The following TMPRSS7 variants were observed in gnomAD, a reference collection of about 807,000 sequenced individuals.
TMPRSS7 encodes the protein transmembrane protease serine 7.
A neutral mutation model predicts 95.6 loss-of-function variants in TMPRSS7; 81 were observed. That is an observed-to-expected ratio of 0.85 (90% confidence interval 0.71 to 1.02). The LOEUF (loss-of-function observed/expected upper bound fraction) is 1.02, where lower values mean the gene tolerates loss of function less well. Ranked by LOEUF, TMPRSS7 falls within the 50% of genes least tolerant of loss-of-function variation. The pLI, the probability that TMPRSS7 is intolerant of heterozygous loss-of-function variation, is 0.00. For synonymous variants in TMPRSS7, 364 were observed against 337.8 expected (o/e 1.08, Z -0.85); for missense variants, 945 against 955.2 (o/e 0.99, Z 0.14).
At chr3:112,077,098 T>C (rs767643490) in exon 16 of TMPRSS7, 8 of 1,614,056 alleles carry the variant, frequency 5.0e-6, no homozygotes, top group East Asian at 2.2e-5. Flanking sequence ...GAGTTCGCAG[T>C]GGGGAGAAGT....
chr3:112,058,730 A>G (rs774773), intron 10 of TMPRSS7, among the ~76,000 whole-genome samples: 137,051 of 152,150 alleles, frequency 0.9, 62,352 homozygotes, highest in East Asian at 1. Flanking sequence ...GAAAATGAGG[A>G]ACTATTTTAT....
At position 112,074,291 on chromosome 3, in the gene TMPRSS7, G is replaced by C. The variant is rs903084125; in HGVS notation, c.1667-5G>C. The C allele has an allele frequency of 6.2e-7, 1 of 1,603,744 alleles. No individual in the cohort carries two copies. The highest frequency in any genetic ancestry group is 1.3e-5 in the African/African-American group (1 of 74,744). ...AAAGCTGTTTCTTCTTTTGTCCATT[G>C]TTAGGTATTCCATGCAACAACAGAA... On this transcript the variant is annotated splice_region_variant and splice_polypyrimidine_tract_variant and intron_variant, in intron 13 of 17. Transcript: ENST00000452346.
intron 13 of TMPRSS7, among the ~76,000 whole-genome samples, chr3:112,071,041 C>T (rs893435142): frequency 6.6e-6 from 1 of 152,190 alleles, no homozygotes; most frequent in Non-Finnish European, 1.5e-5. Flanking sequence ...TTCATAGCAT[C>T]GATGACCTTT....
intron 14 of TMPRSS7, among the ~76,000 whole-genome samples, chr3:112,074,644 A>G (rs1432041218): frequency 6.6e-6 from 1 of 152,224 alleles, no homozygotes; most frequent in Non-Finnish European, 1.5e-5. Flanking sequence ...TAAAATGAGA[A>G]CTTTCACTTT....
At chr3:112,056,489 G>A (rs1253598723) in intron 9 of TMPRSS7, among the ~76,000 whole-genome samples, 1 of 151,954 alleles carries the variant, frequency 6.6e-6, no homozygotes, top group Non-Finnish European at 1.5e-5. Flanking sequence ...GACTGGTGTG[G>A]TGCATGCACA....
intron 13 of TMPRSS7, among the ~76,000 whole-genome samples, chr3:112,070,089 A>T (rs991797828): frequency 6.6e-6 from 1 of 152,166 alleles, no homozygotes; most frequent in African/African-American, 2.4e-5. Flanking sequence ...TTATTTACCC[A>T]CTAGTCATTC....
At position 112,050,229 on chromosome 3, in the gene TMPRSS7, T is replaced by C. The variant is rs560060907; in HGVS notation, c.1090+255T>C. 8.2e-4 allele frequency among the ~76,000 whole-genome samples: 125 copies of C among 152,264 alleles called. 1 individual carries two copies. Among genetic ancestry groups the C allele is most frequent in the Non-Finnish European group, 1.5e-3 (100 of 68,010 alleles). ...GACAAGAAGAGAAATGTATCATGGATGTAACATGTGCAGAAAGTAACTATC... is the reference window on the plus strand; with the variant it reads ...GACAAGAAGAGAAATGTATCATGGACGTAACATGTGCAGAAAGTAACTATC... On this transcript the variant is annotated intron_variant, in intron 8 of 17. Transcript: ENST00000452346.
At chr3:112,069,504 C>A (rs1042438861) in intron 13 of TMPRSS7, among the ~76,000 whole-genome samples, 2 of 152,224 alleles carry the variant, frequency 1.3e-5, no homozygotes, top group East Asian at 3.9e-4. Flanking sequence ...AATTTCAGAG[C>A]CTGTTATTGG....
At chr3:112,050,528 A>AAAAAAAAC (rs1553763202) in intron 8 of TMPRSS7, 143 bp from the exon 9 acceptor site, 13 of 355,724 alleles carry the variant, frequency 3.7e-5, no homozygotes, top group Non-Finnish European at 6.3e-5. Context: ...TTCTGAAAAA[A>AAAAAAAAC]AAAAAAAAAA....
chr3:112,045,261 C>T (rs2073263538), intron 4 of TMPRSS7, among the ~76,000 whole-genome samples: 1 of 152,194 alleles, frequency 6.6e-6, no homozygotes, highest in Non-Finnish European at 1.5e-5. Context: ...AATTCTCCTG[C>T]CTCAGCCTCC....
chr3:112,069,811 TTG>T (rs1346104669), intron 13 of TMPRSS7, among the ~76,000 whole-genome samples: 15 of 152,222 alleles, frequency 9.9e-5, no homozygotes, highest in African/African-American at 3.4e-4. Context: ...GAAGGGTTTT[TTG>T]TGTCTCTATC....
intron 2 of TMPRSS7, among the ~76,000 whole-genome samples, chr3:112,040,116 T>C (rs559621451): frequency 6.6e-6 from 1 of 151,878 alleles, no homozygotes; most frequent in Admixed American, 6.6e-5. Flanking sequence ...CTCAGAGATA[T>C]GAAAATCTGA....
intron 9 of TMPRSS7, among the ~76,000 whole-genome samples, chr3:112,051,306 G>T (rs975433073): frequency 1.1e-4 from 17 of 151,904 alleles, no homozygotes; most frequent in Admixed American, 8.5e-4. Flanking sequence ...AATTGTATTA[G>T]GTATTATAAG....
intron 5 of TMPRSS7, 128 bp from the exon 6 acceptor site, chr3:112,046,846 T>C: frequency 1.5e-6 from 1 of 648,586 alleles, no homozygotes; most frequent in South Asian, 1.8e-5. Flanking sequence ...CACTGGATTA[T>C]TTTAAAGTAA....
At position 112,080,989 on chromosome 3, in the gene TMPRSS7, G is replaced by T. The variant is rs2073771974; in HGVS notation, c.2437G>T (p.Gly813Ter). Residue 813 changes from glycine (G) to a stop codon, truncating the protein, a stop_gained, in exon 18 of 18, where the codon GGA becomes TGA. Coordinates refer to ENST00000452346, the Ensembl canonical transcript of TMPRSS7. LOFTEE classifies it high-confidence loss of function. Reference sequence around the variant, plus strand: ...GATTTTGACTGGCATTGTTAGCTGGGGACATGGAAGTGGACGACCAAACTT... The same window carrying T: ...GATTTTGACTGGCATTGTTAGCTGGTGACATGGAAGTGGACGACCAAACTT... 1 of 1,613,796 alleles carries T rather than the reference G, an allele frequency of 6.2e-7. No homozygotes were observed. The highest frequency in any genetic ancestry group is 8.5e-7 in the Non-Finnish European group (1 of 1,179,892).
At position 112,080,964 on chromosome 3, in the gene TMPRSS7, G is replaced by A; in HGVS notation, c.2412G>A (p.Trp804Ter). The A allele has an allele frequency of 6.2e-7, 1 of 1,613,910 alleles. No homozygotes were observed. Among genetic ancestry groups the A allele is most frequent in the African/African-American group, 1.3e-5 (1 of 74,984 alleles). ...GTCGAAGAAAAAGTGATGGAAAATG[G>A]ATTTTGACTGGCATTGTTAGCTGGG... is the stretch of plus-strand genomic sequence containing the variant. Residue 804 changes from tryptophan to a stop codon, truncating the protein, a stop_gained, in exon 18 of 18, where the codon TGG (tryptophan) becomes TGA (stop). Coordinates refer to ENST00000452346, the Ensembl canonical transcript of TMPRSS7. LOFTEE classifies it high-confidence loss of function.
intron 2 of TMPRSS7, chr3:112,039,495 C>T (rs1328025559): frequency 6.1e-5 from 9 of 147,014 alleles, no homozygotes. Flanking sequence ...AGAAACCAAC[C>T]ACATGCTTAG....
intron 2 of TMPRSS7, among the ~76,000 whole-genome samples, chr3:112,041,390 A>G (rs1313052390): frequency 1.3e-5 from 2 of 152,006 alleles, no homozygotes; most frequent in Non-Finnish European, 2.9e-5. Flanking sequence ...TTTATTTAGC[A>G]TTTCCATGTG....
intron 7 of TMPRSS7, among the ~76,000 whole-genome samples, chr3:112,049,173 G>T (rs1192694668): frequency 2.0e-5 from 3 of 152,118 alleles, no homozygotes; most frequent in African/African-American, 4.8e-5. Flanking sequence ...AATTAGCCAT[G>T]GGCCAAACCC....
Sources: allele counts gnomAD v4.1 joint callset (sites outside exome capture counted in the v4.1 genomes callset), GRCh38; gene constraint gnomAD v4.1.1; transcripts MANE v1.5; gene names NCBI Gene and HGNC (gene_info 2026-07-23, HGNC 2026-07-21).